VIT: variants seen among roughly 807,000 people sequenced by gnomAD.
The protein encoded by VIT is vitrin.
VIT carries 99 observed loss-of-function variants against 78.0 expected under a neutral mutation model. The observed-to-expected ratio is 1.27, with a 90% CI of 1.08 to 1.50. VIT has a LOEUF of 1.50. Among genes scored for constraint, VIT ranks in the 40% most tolerant of loss-of-function variants. The pLI, the probability that VIT is intolerant of heterozygous loss-of-function variation, is 0.00. For missense variants in VIT, 1,126 were observed against 875.3 expected, an observed-to-expected ratio of 1.29 and a Z score of -3.61; for synonymous variants, 374 against 334.3, an observed-to-expected ratio of 1.12 and a Z score of -1.29.
rs181300872 is a variant in VIT at position 36,800,657 on chromosome 2, G to T, written c.1059-644G>T. ...TGCACGCCTCCACACCCTCCACTCC[G>T]CCGCTTCGTGGGGATTCACTTGTAG... On this transcript the variant is annotated intron_variant, in intron 12 of 15. Coordinates refer to ENST00000379242, the MANE Select transcript of VIT (RefSeq NM_053276.4). Among the ~76,000 whole-genome samples the T allele has an allele frequency of 5.4e-4, 82 of 152,234 alleles. 1 individual carries two copies. Among genetic ancestry groups the T allele is most frequent in the Admixed American group, 3.8e-3 (58 of 15,298 alleles).
At chr2:36,800,751 T>G (rs968438515) in intron 12 of VIT, among the ~76,000 whole-genome samples, 3 of 152,214 alleles carry the variant, frequency 2.0e-5, no homozygotes, top group South Asian at 2.1e-4. Context: ...TTTTTCAGTC[T>G]TCAGCAAAAT....
At chr2:36,787,993 A>G in intron 12 of VIT, 2 of 321,164 alleles carry the variant, frequency 6.2e-6, no homozygotes, top group Non-Finnish European at 1.2e-5. Context: ...TATTTCAGAT[A>G]TGAATAGGTT....
chr2:36,750,535 T>A (rs1332255587), intron 4 of VIT, among the ~76,000 whole-genome samples: 1 of 152,160 alleles, frequency 6.6e-6, no homozygotes, highest in Non-Finnish European at 1.5e-5. Context: ...TAAAATAACA[T>A]GTAATCACTA....
intron 2 of VIT, among the ~76,000 whole-genome samples, chr2:36,728,817 A>AAAAAAG (rs1667014162): frequency 7.3e-6 from 1 of 136,318 alleles, no homozygotes; most frequent in African/African-American, 2.6e-5. Flanking sequence ...CGTCTCAAAA[A>AAAAAAG]AAAAAAAAAA....
intron 7 of VIT, among the ~76,000 whole-genome samples, chr2:36,770,168 C>G (rs1415917382): frequency 6.6e-6 from 1 of 152,156 alleles, no homozygotes; most frequent in Non-Finnish European, 1.5e-5. Context: ...TATGGAATGC[C>G]CACTATGTGT....
In VIT at chr2:36,773,846, A is replaced by G; in HGVS notation, c.735A>G (p.Pro245=). 1 of 1,595,038 alleles carries G rather than the reference A, an allele frequency of 6.3e-7. No homozygotes were observed. Among genetic ancestry groups the G allele is most frequent in the Non-Finnish European group, 8.6e-7 (1 of 1,168,906 alleles). The change falls in exon 8 of 16, where the codon CCA becomes CCG. Residue 245 remains proline (P), a splice_region_variant and synonymous_variant. Transcript: ENST00000379242. Reference sequence around the variant, plus strand: ...GCCAAAACAGGCCCAGAGCTGATCCAGGTAAGACCTTAAACTCCCTTTCCA... The same window carrying G: ...GCCAAAACAGGCCCAGAGCTGATCCGGGTAAGACCTTAAACTCCCTTTCCA... The part of the protein sequence containing the change: ...TSSQNRPRAD[P]GIQRQDPSGA...
At chr2:36,774,595 T>G in intron 8 of VIT, 2 of 985,448 alleles carry the variant, frequency 2.0e-6, no homozygotes, top group Non-Finnish European at 2.4e-6. Flanking sequence ...GGTTCTGTTT[T>G]GCTTGCTACT....
At chr2:36,698,015 C>G (rs1234444573) in intron 1 of VIT, among the ~76,000 whole-genome samples, 1 of 152,172 alleles carries the variant, frequency 6.6e-6, no homozygotes, top group Non-Finnish European at 1.5e-5. Flanking sequence ...TGTATTTTCT[C>G]TCTATGTGTG....
At chr2:36,709,334 C>A (rs1418043626) in intron 1 of VIT, among the ~76,000 whole-genome samples, 1 of 152,168 alleles carries the variant, frequency 6.6e-6, no homozygotes, top group Non-Finnish European at 1.5e-5. Flanking sequence ...CCTTTGCATG[C>A]TTCCAATTCC....
At chr2:36,760,948 G>T (rs1406410711) in intron 6 of VIT, among the ~76,000 whole-genome samples, 1 of 152,132 alleles carries the variant, frequency 6.6e-6, no homozygotes, top group Non-Finnish European at 1.5e-5. Flanking sequence ...AGCCACTCCA[G>T]CTGCACCCCT....
intron 14 of VIT, among the ~76,000 whole-genome samples, chr2:36,808,268 T>C (rs1572580979): frequency 6.6e-6 from 1 of 151,810 alleles, no homozygotes; most frequent in Non-Finnish European, 1.5e-5. Flanking sequence ...GCTGAGGGAG[T>C]AGGACTGAGT....
intron 2 of VIT, among the ~76,000 whole-genome samples, chr2:36,728,872 G>A (rs924942644): frequency 1.3e-5 from 2 of 149,862 alleles, no homozygotes; most frequent in Non-Finnish European, 3.0e-5. Context: ...TGTAGATGAC[G>A]TATACAGTGG....
At chr2:36,718,837 A>C (rs17019581) in intron 2 of VIT, among the ~76,000 whole-genome samples, 15,953 of 152,216 alleles carry the variant, frequency 0.1, 872 homozygotes, top group Middle Eastern at 0.22. Flanking sequence ...AAACAAAAAA[A>C]TGGGCTAGCA....
chr2:36,699,653 G>GATAT (rs1558495850), intron 1 of VIT, among the ~76,000 whole-genome samples: 1 of 151,694 alleles, frequency 6.6e-6, no homozygotes, highest in Non-Finnish European at 1.5e-5. Context: ...TAGATAGATA[G>GATAT]ATAGATAGAT....
intron 7 of VIT, among the ~76,000 whole-genome samples, chr2:36,772,274 C>A (rs576305563): frequency 2.6e-5 from 4 of 151,948 alleles, no homozygotes; most frequent in African/African-American, 7.3e-5. Flanking sequence ...CCGTGGCTCA[C>A]GCCTGTAATC....
chr2:36,739,157 T>A, intron 3 of VIT, among the ~76,000 whole-genome samples: 1 of 103,594 alleles, frequency 9.7e-6, no homozygotes, highest in South Asian at 3.2e-4. Context: ...ATTTTTTTTA[T>A]GTTATAATTC....
intron 3 of VIT, among the ~76,000 whole-genome samples, chr2:36,731,956 A>G (rs1394362144): frequency 6.6e-6 from 1 of 152,150 alleles, no homozygotes; most frequent in Non-Finnish European, 1.5e-5. Context: ...TCCATGTGAG[A>G]TTTCCTGTTG....
intron 12 of VIT, among the ~76,000 whole-genome samples, chr2:36,795,013 G>A (rs546731251): frequency 8.5e-5 from 13 of 152,250 alleles, no homozygotes; most frequent in African/African-American, 2.9e-4. Context: ...GGGATGAACC[G>A]AGAGAGGAGA....
At chr2:36,758,913 ATCTAAAACCTCTAGC>A (rs1668931685) in intron 5 of VIT, 41 bp from the exon 6 acceptor site, 2 of 1,483,910 alleles carry the variant, frequency 1.3e-6, no homozygotes, top group Non-Finnish European at 1.9e-6. Context: ...GTACAGAACC[ATCTAAAACCTCTAGC>A]TCTAGAAATA....
Sources: allele counts gnomAD v4.1 joint callset (sites outside exome capture counted in the v4.1 genomes callset), GRCh38; gene constraint gnomAD v4.1.1; transcripts MANE v1.5; gene names NCBI Gene and HGNC (gene_info 2026-07-23, HGNC 2026-07-21).